ARB2A: variants seen among roughly 807,000 people sequenced by gnomAD.
ARB2A encodes the protein ARB2 cotranscriptional regulator A.
chr5:93,757,067 A>G, the ARB2A span, among the ~76,000 whole-genome samples: 1 of 152,218 alleles, frequency 6.6e-6, no homozygotes, highest in Non-Finnish European at 1.5e-5. Flanking sequence ...ACACACTTTG[A>G]GAAATGTGAA....
chr5:93,863,567 C>A, the ARB2A span: 1 of 151,986 alleles, frequency 6.6e-6, no homozygotes, highest in African/African-American at 2.4e-5. Context: ...CTGCACCTGT[C>A]TGAGTGGCTT....
the ARB2A span, among the ~76,000 whole-genome samples, chr5:94,015,906 A>T: frequency 6.6e-6 from 1 of 152,206 alleles, no homozygotes; most frequent in African/African-American, 2.4e-5. Flanking sequence ...CAAAACAACC[A>T]GCAAACAAGC....
the ARB2A span, among the ~76,000 whole-genome samples, chr5:93,673,264 G>A: frequency 2.4e-3 from 366 of 152,244 alleles, 4 homozygotes; most frequent in African/African-American, 8.3e-3. Context: ...TTGGGACACA[G>A]AATATAAAGC....
chr5:93,927,767 T>C, the ARB2A span, among the ~76,000 whole-genome samples: 2 of 152,108 alleles, frequency 1.3e-5, no homozygotes, highest in Non-Finnish European at 2.9e-5. Context: ...ACTGCAGTAA[T>C]TTGATACCCT....
chr5:93,885,928 CAAA>C, the ARB2A span, among the ~76,000 whole-genome samples: 1 of 151,692 alleles, frequency 6.6e-6, no homozygotes, highest in Non-Finnish European at 1.5e-5. Flanking sequence ...ATTCAACCAA[CAAA>C]TGATGGCTTA....
At chr5:93,913,981 C>T in the ARB2A span, among the ~76,000 whole-genome samples, 1 of 151,898 alleles carries the variant, frequency 6.6e-6, no homozygotes, top group East Asian at 1.9e-4. Context: ...CAAGATCAGT[C>T]TAGATAAAAT....
chr5:93,686,986 G>A, the ARB2A span, among the ~76,000 whole-genome samples: 3 of 151,896 alleles, frequency 2.0e-5, no homozygotes, highest in Non-Finnish European at 2.9e-5. Flanking sequence ...AACGAAAAAC[G>A]TTGGCTTAGA....
At chr5:93,636,180 C>T in the ARB2A span, among the ~76,000 whole-genome samples, 3 of 152,124 alleles carry the variant, frequency 2.0e-5, no homozygotes, top group African/African-American at 7.2e-5. Flanking sequence ...ATATATCTTG[C>T]TTTGTGGCCA....
chr5:93,752,654 C>A, the ARB2A span, among the ~76,000 whole-genome samples: 2 of 151,760 alleles, frequency 1.3e-5, no homozygotes, highest in African/African-American at 4.8e-5. Context: ...GGATAATATT[C>A]GACCTGATGA....
At chr5:93,701,929 C>A in the ARB2A span, among the ~76,000 whole-genome samples, 1 of 152,124 alleles carries the variant, frequency 6.6e-6, no homozygotes, top group Non-Finnish European at 1.5e-5. Context: ...GCTTACACAT[C>A]TTTAATCTAC....
the ARB2A span, among the ~76,000 whole-genome samples, chr5:93,909,628 T>C: frequency 3.3e-5 from 5 of 150,904 alleles, no homozygotes; most frequent in East Asian, 7.7e-4. Context: ...GTAAAAACTA[T>C]AGGAGGTATA....
chr5:93,720,687 G>T, the ARB2A span, among the ~76,000 whole-genome samples: 6 of 152,138 alleles, frequency 3.9e-5, no homozygotes, highest in Non-Finnish European at 8.8e-5. Flanking sequence ...GTAGTGAGTT[G>T]GTTAAAAGTC....
the ARB2A span, among the ~76,000 whole-genome samples, chr5:94,099,297 T>C: frequency 2.0e-4 from 30 of 152,194 alleles, 1 homozygote; most frequent in Admixed American, 1.5e-3. Context: ...GGAGGCTTCA[T>C]CCCCAGGATG....
the ARB2A span, chr5:93,804,703 G>A: frequency 1.5e-5 from 3 of 204,454 alleles, no homozygotes; most frequent in Non-Finnish European, 2.6e-5. Flanking sequence ...GGAAGAGTAA[G>A]AGACAGCTAG....
At chr5:94,096,989 CT>C in the ARB2A span, among the ~76,000 whole-genome samples, 2 of 152,214 alleles carry the variant, frequency 1.3e-5, no homozygotes, top group African/African-American at 4.8e-5. Context: ...CCCATGGACA[CT>C]TGAGCTGGCA....
the ARB2A span, among the ~76,000 whole-genome samples, chr5:94,060,142 G>A: frequency 1.3e-5 from 2 of 152,058 alleles, no homozygotes; most frequent in Non-Finnish European, 2.9e-5. Flanking sequence ...GGCAGATCAC[G>A]AGGTTAGGAG....
the ARB2A span, chr5:93,740,773 A>G: frequency 1.2e-6 from 2 of 1,612,446 alleles, no homozygotes; most frequent in South Asian, 1.1e-5. Flanking sequence ...TCGACTGCCC[A>G]TCTTGCTGCG....
the ARB2A span, among the ~76,000 whole-genome samples, chr5:93,677,772 T>C: frequency 7.9e-5 from 12 of 152,222 alleles, no homozygotes; most frequent in Non-Finnish European, 1.8e-4. Context: ...TTGAGCCTTA[T>C]GCTTAGGGAT....
the ARB2A span, among the ~76,000 whole-genome samples, chr5:93,716,498 A>G: frequency 9.2e-5 from 14 of 152,100 alleles, no homozygotes; most frequent in Admixed American, 9.2e-4. Flanking sequence ...GAGTTTTGCT[A>G]ATGATTTATT....
Sources: gnomAD v4.1 joint callset for allele counts (sites outside exome capture counted in the v4.1 genomes callset) on GRCh38, gnomAD v4.1.1 for gene constraint, MANE v1.5 for transcripts, NCBI Gene and HGNC (gene_info 2026-07-23, HGNC 2026-07-21) for gene names.